Variants in GAGE10 observed in about 807,000 individuals in gnomAD.
The protein encoded by GAGE10 is G antigen 10.
GAGE10 carries 9 observed loss-of-function variants against 11.5 expected under a neutral mutation model. The observed-to-expected ratio is 0.78, with a 90% CI of 0.47 to 1.37. GAGE10 has a LOEUF of 1.37. Ranked by LOEUF, GAGE10 falls within the 40% of genes most tolerant of loss-of-function variation. The probability of loss-of-function intolerance (pLI) is 0.00; values close to 1 mark genes in which losing one functional copy is unlikely to be tolerated. For synonymous variants in GAGE10, 23 were observed against 29.7 expected (o/e 0.77, Z 0.73); for missense variants, 83 against 92.9 (o/e 0.89, Z 0.44).
At chrX:49,311,795 G>A (rs1443682651) in intron 3 of GAGE10, among the ~76,000 whole-genome samples, 21 of 112,040 alleles carry the variant, frequency 1.9e-4, no homozygotes, top group African/African-American at 5.8e-4. Context: ...TTATCCAAGC[G>A]ACTGGACTTG....
chrX:49,309,373 G>T (rs2066368441), intron 3 of GAGE10, among the ~76,000 whole-genome samples: 2 of 112,407 alleles, frequency 1.8e-5, no homozygotes, highest in Admixed American at 9.4e-5. Flanking sequence ...CGGGCCGAAG[G>T]CACTACAGAG....
intron 3 of GAGE10, among the ~76,000 whole-genome samples, chrX:49,307,955 C>G (rs1397519417): frequency 1.8e-5 from 2 of 112,055 alleles, no homozygotes; most frequent in Admixed American, 9.4e-5. Context: ...TTGTGAAGAC[C>G]CTGTTTCTCT....
intron 3 of GAGE10, among the ~76,000 whole-genome samples, chrX:49,306,144 A>G (rs2066356069): frequency 8.9e-6 from 1 of 112,370 alleles, no homozygotes; most frequent in Non-Finnish European, 1.9e-5. Context: ...TGGTTAGAAA[A>G]AGCAAAAAAG....
intron 3 of GAGE10, among the ~76,000 whole-genome samples, chrX:49,309,482 C>T (rs1212278490): frequency 8.9e-6 from 1 of 111,992 alleles, no homozygotes; most frequent in East Asian, 2.8e-4. Flanking sequence ...TGCAGCCCTG[C>T]CTAGCAGTTT....
chrX:49,306,738 C>T (rs1234426447), intron 3 of GAGE10, among the ~76,000 whole-genome samples: 1 of 111,761 alleles, frequency 8.9e-6, no homozygotes, highest in African/African-American at 3.3e-5. Flanking sequence ...CACGCATAGT[C>T]CCAGCTACTT....
intron 3 of GAGE10, among the ~76,000 whole-genome samples, chrX:49,311,256 G>A (rs782171950): frequency 2.1e-4 from 24 of 112,016 alleles, no homozygotes; most frequent in African/African-American, 7.5e-4. Flanking sequence ...CATTTAAATC[G>A]GCTGTATGAA....
At chrX:49,309,391 C>A (rs2066368525) in intron 3 of GAGE10, among the ~76,000 whole-genome samples, 1 of 111,944 alleles carries the variant, frequency 8.9e-6, no homozygotes, top group African/African-American at 3.3e-5. Context: ...GAGAAATTGG[C>A]CATGTGTTTT....
At chrX:49,317,324 T>A in intron 4 of GAGE10, 36 bp downstream of exon 4, 1 of 1,179,582 alleles carries the variant, frequency 8.5e-7, no homozygotes, top group Non-Finnish European at 1.1e-6. Context: ...TTGTAGGGTG[T>A]CTGTTTCCAC....
chrX:49,316,596 G>C (rs1439876051), intron 3 of GAGE10, among the ~76,000 whole-genome samples: 4 of 111,680 alleles, frequency 3.6e-5, no homozygotes, highest in Admixed American at 2.9e-4. Flanking sequence ...TTCTGATCCG[G>C]AGTCAAGTTC....
chrX:49,306,667 C>A (rs782213873), intron 3 of GAGE10, among the ~76,000 whole-genome samples: 4 of 111,595 alleles, frequency 3.6e-5, no homozygotes, highest in Non-Finnish European at 5.6e-5. Context: ...TATACATGTC[C>A]TGTGGTTTAT....
At chrX:49,304,234 C>T (rs782742810) in intron 1 of GAGE10, among the ~76,000 whole-genome samples, 6 of 111,648 alleles carry the variant, frequency 5.4e-5, no homozygotes, top group East Asian at 5.7e-4. Flanking sequence ...TGGGGAGCCC[C>T]GAGTGAGAAG....
At chrX:49,306,863 C>T (rs781801223) in intron 3 of GAGE10, among the ~76,000 whole-genome samples, 2 of 111,298 alleles carry the variant, frequency 1.8e-5, no homozygotes, top group African/African-American at 6.5e-5. Flanking sequence ...AAACAGATAA[C>T]TAAAGGTTTC....
At chrX:49,306,725 G>A (rs1176645441) in intron 3 of GAGE10, among the ~76,000 whole-genome samples, 1 of 111,814 alleles carries the variant, frequency 8.9e-6, no homozygotes, top group Non-Finnish European at 1.9e-5. Flanking sequence ...GCTGAATGCT[G>A]TGCACGCATA....
intron 3 of GAGE10, among the ~76,000 whole-genome samples, chrX:49,309,489 G>A (rs1259051291): frequency 1.8e-5 from 2 of 112,179 alleles, no homozygotes; most frequent in Non-Finnish European, 3.8e-5. Context: ...CTGCCTAGCA[G>A]TTTATTGTAG....
At chrX:49,304,712 A>G in intron 1 of GAGE10, 140 bp from the exon 2 acceptor site, 1 of 845,519 alleles carries the variant, frequency 1.2e-6, no homozygotes, top group Non-Finnish European at 1.7e-6. Context: ...CAGAAAAGGT[A>G]CACACATATG....
chrX:49,318,943 A>G (rs1557125705), intron 4 of GAGE10, among the ~76,000 whole-genome samples: 4 of 114,344 alleles, frequency 3.5e-5, no homozygotes, highest in South Asian at 3.4e-4. Context: ...TATGTGTCAC[A>G]TTTTCTTAAT....
intron 4 of GAGE10, 80 bp downstream of exon 4, chrX:49,317,368 G>A (rs1423762484): frequency 2.7e-5 from 30 of 1,130,091 alleles, no homozygotes; most frequent in Non-Finnish European, 3.3e-5. Flanking sequence ...ACATTTTTGA[G>A]ATGGAGTCTT....
At chrX:49,317,627 C>A (rs782521684) in intron 4 of GAGE10, among the ~76,000 whole-genome samples, 3 of 99,296 alleles carry the variant, frequency 3.0e-5, no homozygotes, top group East Asian at 3.1e-4. Context: ...GGATTACATG[C>A]GAGAGCCACC....
intron 3 of GAGE10, among the ~76,000 whole-genome samples, chrX:49,314,665 G>A (rs782587964): frequency 1.8e-5 from 2 of 112,172 alleles, no homozygotes; most frequent in African/African-American, 3.2e-5. Flanking sequence ...TTTCGGGTCC[G>A]TAAGTCATTC....
Sources: gnomAD v4.1 joint callset for allele counts (sites outside exome capture counted in the v4.1 genomes callset) on GRCh38, gnomAD v4.1.1 for gene constraint, MANE v1.5 for transcripts, NCBI Gene and HGNC (gene_info 2026-07-23, HGNC 2026-07-21) for gene names.